Variants in DGKB observed in about 807,000 individuals in gnomAD.
DGKB encodes 90 kDa diacylglycerol kinase.
In DGKB, 67 loss-of-function variants were observed where a neutral mutation model predicts 114.3. The ratio of observed to expected loss-of-function variants is 0.59; its 90% CI spans 0.48 to 0.72. The LOEUF is 0.72. DGKB is among the 30% of genes least tolerant of loss of function. The pLI is 0.00. For synonymous variants in DGKB, 398 were observed against 323.1 expected (o/e 1.23, Z -2.49); for missense variants, 907 against 975.2 (o/e 0.93, Z 0.93).
intron 4 of DGKB, among the ~76,000 whole-genome samples, chr7:14,751,586 C>T (rs568981187): frequency 3.9e-5 from 6 of 152,256 alleles, no homozygotes; most frequent in African/African-American, 1.4e-4. Flanking sequence ...TCCTTGCTAA[C>T]TAACTGTGCT....
chr7:14,806,069 T>A (rs1403723969), intron 2 of DGKB, among the ~76,000 whole-genome samples: 1 of 151,456 alleles, frequency 6.6e-6, no homozygotes, highest in South Asian at 2.1e-4. Flanking sequence ...AGTTGAGATC[T>A]TTTCTTTTAT....
intron 22 of DGKB, among the ~76,000 whole-genome samples, chr7:14,344,471 G>T (rs79880829): frequency 0.012 from 1,787 of 151,664 alleles, 34 homozygotes; most frequent in African/African-American, 0.041. Flanking sequence ...AATGATTTAG[G>T]TATCAGTAGC....
At chr7:14,469,903 T>A (rs150443908) in intron 21 of DGKB, among the ~76,000 whole-genome samples, 3 of 151,992 alleles carry the variant, frequency 2.0e-5, no homozygotes, top group African/African-American at 7.2e-5. Context: ...AATCGATGCA[T>A]CACAAATACA....
At chr7:14,736,929 G>C (rs548166097) in intron 4 of DGKB, among the ~76,000 whole-genome samples, 39 of 152,204 alleles carry the variant, frequency 2.6e-4, no homozygotes, top group Non-Finnish European at 4.4e-4. Context: ...AGGAGCCATA[G>C]TGAAGAGCTT....
In DGKB at chr7:14,630,904, C is replaced by CT. The variant is rs796436361; in HGVS notation, c.1135-637dup. Among the ~76,000 whole-genome samples the CT allele has an allele frequency of 8.4e-3, 1,216 of 144,070 alleles. 9 individuals are homozygous for CT. The highest frequency in any genetic ancestry group is 0.015 in the African/African-American group (612 of 39,618). The allele number at this position is 144,070 out of a possible 152,430, so 94.5% of individuals were successfully genotyped here. A position where few individuals can be genotyped will look rare whatever the true frequency, so the allele number is the denominator to read the frequency against. On this transcript the variant is annotated intron_variant, in intron 13 of 25. Coordinates refer to ENST00000402815, the MANE Select transcript of DGKB (RefSeq NM_001350709.2). The stretch of plus-strand genomic sequence containing the variant: ...CACTTTGTAGTTCATATTGGAAAGC[C>CT]TTTTTTTTTTTGACAAGAAATGATA...
rs996940341 is a variant in DGKB at position 14,890,554 on chromosome 7, A to G, written c.-188+12038T>C. ...ACTGAACCTGGAAATCATGACAAAA[A>G]TCTTTAATAAGCATTTCTCCACACT... On this transcript the variant is annotated intron_variant, in intron 1 of 25. Coordinates refer to ENST00000402815, the MANE Select transcript of DGKB (RefSeq NM_001350709.2). Among the ~76,000 whole-genome samples, 6 of 151,512 alleles carry G rather than the reference A, an allele frequency of 4.0e-5. No individual in the cohort carries two copies. In the Admixed American group the frequency reaches 4.0e-4, roughly 10 times the overall value.
intron 23 of DGKB, among the ~76,000 whole-genome samples, chr7:14,326,916 C>G (rs1808843252): frequency 1.3e-5 from 2 of 152,098 alleles, no homozygotes; most frequent in African/African-American, 2.4e-5. Context: ...CACACATGCA[C>G]ACACACATAC....
intron 14 of DGKB, among the ~76,000 whole-genome samples, chr7:14,621,700 G>T (rs1244984506): frequency 6.6e-6 from 1 of 151,876 alleles, no homozygotes; most frequent in African/African-American, 2.4e-5. Flanking sequence ...ACCATTTAAA[G>T]AAATAATGAG....
chr7:14,150,111 A>C (rs566623561), intron 25 of DGKB, among the ~76,000 whole-genome samples: 1 of 152,286 alleles, frequency 6.6e-6, no homozygotes, highest in South Asian at 2.1e-4. Context: ...GATTCTCATT[A>C]TGTAATAAAA....
At chr7:14,917,750 C>T (rs1042051084) in intron 1 of DGKB, among the ~76,000 whole-genome samples, 1 of 151,804 alleles carries the variant, frequency 6.6e-6, no homozygotes, top group Non-Finnish European at 1.5e-5. Context: ...AGCAGAAAGA[C>T]CACTTCCCAA....
At chr7:14,352,934 A>C (rs1351171584) in intron 21 of DGKB, among the ~76,000 whole-genome samples, 3 of 139,026 alleles carry the variant, frequency 2.2e-5, no homozygotes, top group African/African-American at 2.8e-5. Flanking sequence ...AAAAACAAAC[A>C]AAAAAAACCA....
intron 2 of DGKB, among the ~76,000 whole-genome samples, chr7:14,765,595 A>G (rs574213134): frequency 7.2e-5 from 11 of 151,968 alleles, no homozygotes; most frequent in Non-Finnish European, 1.2e-4. Context: ...TGCCTTGCAC[A>G]AAATATTTGT....
intron 23 of DGKB, chr7:14,209,447 A>G: frequency 2.1e-6 from 1 of 472,898 alleles, no homozygotes; most frequent in Non-Finnish European, 4.4e-6. Context: ...CAGCAACTAC[A>G]CAAGGCTATT....
chr7:14,610,031 G>A (rs899734807), intron 16 of DGKB, among the ~76,000 whole-genome samples: 4 of 151,874 alleles, frequency 2.6e-5, no homozygotes, highest in African/African-American at 4.8e-5. Flanking sequence ...GTGTAAACTC[G>A]AAGGAAAACA....
chr7:14,686,179 A>AT (rs1307222312), intron 9 of DGKB, among the ~76,000 whole-genome samples: 1 of 151,996 alleles, frequency 6.6e-6, no homozygotes, highest in Non-Finnish European at 1.5e-5. Context: ...AAAACACTTT[A>AT]TTTTTTTCTC....
intron 23 of DGKB, among the ~76,000 whole-genome samples, chr7:14,180,820 G>A (rs1321952956): frequency 6.6e-6 from 1 of 152,070 alleles, no homozygotes; most frequent in Admixed American, 6.6e-5. Context: ...TCTATATGTG[G>A]TATCCTTTGG....
At chr7:14,566,165 T>A (rs1021846406) in intron 20 of DGKB, among the ~76,000 whole-genome samples, 1 of 152,166 alleles carries the variant, frequency 6.6e-6, no homozygotes, top group Non-Finnish European at 1.5e-5. Flanking sequence ...AGATGTAATA[T>A]AAATGTAATG....
intron 1 of DGKB, among the ~76,000 whole-genome samples, chr7:14,949,034 A>G (rs1476879096): frequency 2.6e-5 from 4 of 151,850 alleles, no homozygotes; most frequent in South Asian, 4.1e-4. Context: ...ACAAAACACA[A>G]ATTGAGAAAA....
intron 1 of DGKB, among the ~76,000 whole-genome samples, chr7:14,961,976 G>T (rs1481318043): frequency 6.6e-6 from 1 of 152,024 alleles, no homozygotes; most frequent in Non-Finnish European, 1.5e-5. Flanking sequence ...TCTATCCAAT[G>T]GGTAAAAACA....
Sources: allele counts gnomAD v4.1 joint callset (sites outside exome capture counted in the v4.1 genomes callset), GRCh38; gene constraint gnomAD v4.1.1; transcripts MANE v1.5; gene names NCBI Gene and HGNC (gene_info 2026-07-23, HGNC 2026-07-21).